Variants in CTNNA2 observed in about 807,000 individuals in gnomAD.
CTNNA2 encodes catenin alpha-2.
A neutral mutation model predicts 101.0 loss-of-function variants in CTNNA2; 42 were observed. The observed-to-expected ratio is 0.42, with a 90% confidence interval of 0.32 to 0.54. The LOEUF is 0.54. CTNNA2 is among the 20% of genes least tolerant of loss of function. CTNNA2 has a pLI of 0.14. For synonymous variants in CTNNA2, 450 were observed against 456.4 expected (o/e 0.99, Z 0.18); for missense variants, 871 against 1,223.1 (o/e 0.71, Z 4.29).
chr2:80,222,937 C>T (rs1369046317), intron 7 of CTNNA2, among the ~76,000 whole-genome samples: 1 of 152,118 alleles, frequency 6.6e-6, no homozygotes, highest in African/African-American at 2.4e-5. Flanking sequence ...GAGATTTCAT[C>T]TAAAATGACT....
At chr2:79,917,503 G>A (rs1309662316) in intron 7 of CTNNA2, among the ~76,000 whole-genome samples, 2 of 152,228 alleles carry the variant, frequency 1.3e-5, no homozygotes, top group Non-Finnish European at 2.9e-5. Flanking sequence ...TGGCACGGAA[G>A]TCTTTCTGCC....
chr2:79,251,903 A>G (rs931850324), intron 2 of CTNNA2, among the ~76,000 whole-genome samples: 1 of 152,214 alleles, frequency 6.6e-6, no homozygotes, highest in African/African-American at 2.4e-5. Flanking sequence ...AGCAATATAT[A>G]CTAAACCGCC....
rs1265740550 is a variant in CTNNA2, at chr2:79,211,778, T to C, written c.-406+13702T>C. Among the ~76,000 whole-genome samples, 6 of 152,176 alleles carry C rather than the reference T, an allele frequency of 3.9e-5. No homozygotes were observed. The South Asian group carries it at 6.2e-4, about 16-fold the overall frequency. Reference sequence around the variant, plus strand: ...TGACATTCCTGTCTTCTTATATTAATAAGAAAAATAAAATGAAATAGTGGT... The same window carrying C: ...TGACATTCCTGTCTTCTTATATTAACAAGAAAAATAAAATGAAATAGTGGT... On this transcript the variant is annotated intron_variant, in intron 2 of 21. Coordinates refer to the CTNNA2 transcript ENST00000466387.
chr2:80,056,069 G>T (rs12470677), intron 7 of CTNNA2, among the ~76,000 whole-genome samples: 8,582 of 152,216 alleles, frequency 0.056, 313 homozygotes, highest in African/African-American at 0.088. Context: ...GGATGCATGG[G>T]TCACAGCTGC....
chr2:79,960,694 TTTC>T (rs1158108604), intron 7 of CTNNA2, among the ~76,000 whole-genome samples: 1 of 152,214 alleles, frequency 6.6e-6, no homozygotes, highest in Non-Finnish European at 1.5e-5. Flanking sequence ...CAGAGCTTTT[TTTC>T]TTCTTGTTGT....
intron 1 of CTNNA2, among the ~76,000 whole-genome samples, chr2:79,187,265 C>CTTTTTTT (rs1156460356): frequency 1.2e-3 from 101 of 83,378 alleles, no homozygotes; most frequent in Non-Finnish European, 2.0e-3. Flanking sequence ...CTTTTCTTTT[C>CTTTTTTT]TTTTCTTTTT....
chr2:79,800,505 C>A (rs1207292001), intron 3 of CTNNA2, among the ~76,000 whole-genome samples: 1 of 151,874 alleles, frequency 6.6e-6, no homozygotes, highest in African/African-American at 2.4e-5. Context: ...ACAGGAAATG[C>A]TAAAAAAAAG....
intron 3 of CTNNA2, among the ~76,000 whole-genome samples, chr2:79,350,004 G>A (rs1318157089): frequency 6.8e-6 from 1 of 147,620 alleles, no homozygotes; most frequent in Non-Finnish European, 1.5e-5. Context: ...AACCCGGGAG[G>A]CAGAGCTTGC....
chr2:79,901,546 A>G (rs998455872), intron 6 of CTNNA2, among the ~76,000 whole-genome samples: 1 of 152,204 alleles, frequency 6.6e-6, no homozygotes, highest in African/African-American at 2.4e-5. Flanking sequence ...TATGAAAATC[A>G]GCCACACTTT....
intron 1 of CTNNA2, among the ~76,000 whole-genome samples, chr2:79,579,882 G>A (rs565888531): frequency 9.2e-5 from 14 of 152,216 alleles, no homozygotes; most frequent in African/African-American, 2.4e-4. Flanking sequence ...CCAAAGTGCC[G>A]GGATTACAGG....
chr2:80,564,275 G>A (rs1253812441), intron 12 of CTNNA2, among the ~76,000 whole-genome samples: 1 of 152,158 alleles, frequency 6.6e-6, no homozygotes, highest in Non-Finnish European at 1.5e-5. Flanking sequence ...AGCTAAATAA[G>A]GCATCATGCT....
rs75125146 is a variant in CTNNA2 at position 79,793,665 on chromosome 2, G to A, written c.298+49083G>A. On this transcript the variant is annotated intron_variant, in intron 3 of 18. Transcript: ENST00000402739. Reference sequence around the variant, plus strand: ...TGCTCACAAGATGTGCAAAAAGATCGAAGACCCATATGGATAATCGCCACC... The same window carrying A: ...TGCTCACAAGATGTGCAAAAAGATCAAAGACCCATATGGATAATCGCCACC... Among the ~76,000 whole-genome samples, 1,454 of 152,152 alleles carry A rather than the reference G, an allele frequency of 9.6e-3. 12 individuals are homozygous for A. The highest frequency in any genetic ancestry group is 0.025 in the South Asian group (120 of 4,818).
At chr2:80,365,732 C>A (rs961573746) in intron 7 of CTNNA2, among the ~76,000 whole-genome samples, 2 of 152,048 alleles carry the variant, frequency 1.3e-5, no homozygotes, top group Non-Finnish European at 2.9e-5. Flanking sequence ...CTTACACTTA[C>A]CATTGTCATC....
intron 7 of CTNNA2, among the ~76,000 whole-genome samples, chr2:79,956,186 G>A (rs964027481): frequency 6.6e-6 from 1 of 151,960 alleles, no homozygotes; most frequent in Non-Finnish European, 1.5e-5. Flanking sequence ...CTCATCCAAA[G>A]CAACTCAACT....
chr2:79,760,300 T>G lies in CTNNA2; in HGVS notation c.298+15718T>G, dbSNP rs986184125. 4.6e-4 allele frequency among the ~76,000 whole-genome samples: 70 copies of G among 151,026 alleles called. 1 individual carries two copies. The highest frequency in any genetic ancestry group is 7.1e-4 in the Non-Finnish European group (48 of 67,976). ...ATTACATATAAAATGTGTGTGTGTG[T>G]GTGTGTGTGTGTATATAATCTTTAG... On this transcript the variant is annotated intron_variant, in intron 3 of 18. Coordinates refer to ENST00000402739, the MANE Select transcript of CTNNA2 (RefSeq NM_001282597.3).
intron 3 of CTNNA2, among the ~76,000 whole-genome samples, chr2:79,852,572 TTTTG>T (rs942827526): frequency 6.6e-6 from 1 of 152,202 alleles, no homozygotes; most frequent in African/African-American, 2.4e-5. Flanking sequence ...AGAAAAGTTT[TTTTG>T]TTTGTTTTGT....
intron 7 of CTNNA2, among the ~76,000 whole-genome samples, chr2:80,017,406 A>G (rs1284035865): frequency 6.6e-6 from 1 of 152,110 alleles, no homozygotes; most frequent in African/African-American, 2.4e-5. Flanking sequence ...ATGTGTACAT[A>G]TAGACATATA....
At chr2:79,705,200 T>C (rs1685274682) in intron 2 of CTNNA2, among the ~76,000 whole-genome samples, 1 of 152,180 alleles carries the variant, frequency 6.6e-6, no homozygotes. Context: ...GAAATCCTGT[T>C]GTAGACCAAG....
chr2:79,506,408 G>A (rs546292868), intron 5 of CTNNA2, among the ~76,000 whole-genome samples: 1 of 152,198 alleles, frequency 6.6e-6, no homozygotes, highest in East Asian at 1.9e-4. Context: ...CAGCAGGGAG[G>A]TATCAGAGTG....
Sources: gnomAD v4.1 joint callset for allele counts (sites outside exome capture counted in the v4.1 genomes callset) on GRCh38, gnomAD v4.1.1 for gene constraint, MANE v1.5 for transcripts, NCBI Gene and HGNC (gene_info 2026-07-23, HGNC 2026-07-21) for gene names.